Variants in BBX observed in about 807,000 individuals in gnomAD.
BBX encodes HMG box transcription factor BBX.
BBX carries 30 observed loss-of-function variants against 100.2 expected under a neutral mutation model. The observed-to-expected ratio is 0.30, with a 90% confidence interval of 0.22 to 0.41. The LOEUF (loss-of-function observed/expected upper bound fraction) is 0.41, where lower values mean the gene tolerates loss of function less well. Ranked by LOEUF, BBX falls within the 10% of genes least tolerant of loss-of-function variation. BBX has a pLI of 1.00. For synonymous variants in BBX, 376 were observed against 388.1 expected (o/e 0.97, Z 0.37); for missense variants, 1,023 against 1,129.8 (o/e 0.91, Z 1.35).
chr3:107,692,927 T>G (rs2060284057), intron 3 of BBX, among the ~76,000 whole-genome samples: 1 of 150,766 alleles, frequency 6.6e-6, no homozygotes, highest in South Asian at 2.1e-4. Flanking sequence ...GTGGTTTTGA[T>G]TTGCATTTCT....
intron 9 of BBX, 78 bp from the exon 10 acceptor site, chr3:107,755,520 T>C (rs916079680): frequency 7.8e-7 from 1 of 1,285,696 alleles, no homozygotes; most frequent in African/African-American, 1.5e-5. Flanking sequence ...TAAGAAAAAT[T>C]CCTGAATGTA....
chr3:107,750,725 A>C (rs1346436606), intron 9 of BBX, among the ~76,000 whole-genome samples: 3 of 152,222 alleles, frequency 2.0e-5, no homozygotes, highest in Non-Finnish European at 4.4e-5. Flanking sequence ...AACTAGATGA[A>C]CTAAGAAAAA....
intron 7 of BBX, among the ~76,000 whole-genome samples, chr3:107,740,327 T>TA (rs2063984203): frequency 6.6e-6 from 1 of 151,946 alleles, no homozygotes. Context: ...AGCTTTAACT[T>TA]ACCTTGGAAA....
chr3:107,671,124 C>T (rs868087986), intron 3 of BBX, among the ~76,000 whole-genome samples: 10 of 150,592 alleles, frequency 6.6e-5, no homozygotes, highest in Admixed American at 6.6e-4. Context: ...GTACAACCTG[C>T]GCTTCCTTCA....
At chr3:107,572,214 C>T (rs144423209) in intron 2 of BBX, among the ~76,000 whole-genome samples, 12 of 152,290 alleles carry the variant, frequency 7.9e-5, no homozygotes, top group Admixed American at 5.2e-4. Context: ...ATCGGACACT[C>T]ATTGTCTCTT....
At chr3:107,704,822 T>A (rs1215201478) in intron 3 of BBX, among the ~76,000 whole-genome samples, 2 of 152,174 alleles carry the variant, frequency 1.3e-5, no homozygotes, top group Non-Finnish European at 2.9e-5. Context: ...TGATAAGTGC[T>A]TGACCTAACA....
At chr3:107,799,631 C>T (rs2070198410) in intron 16 of BBX, among the ~76,000 whole-genome samples, 1 of 151,962 alleles carries the variant, frequency 6.6e-6, no homozygotes, top group African/African-American at 2.4e-5. Context: ...GGCATTCAAA[C>T]CAGTAGATTA....
chr3:107,527,516 G>A (rs1229096871), intron 2 of BBX, among the ~76,000 whole-genome samples: 1 of 152,060 alleles, frequency 6.6e-6, no homozygotes, highest in East Asian at 1.9e-4. Context: ...GACCTTTCTG[G>A]TAGTGTCCAT....
At chr3:107,539,419 A>C (rs1360528226) in intron 2 of BBX, among the ~76,000 whole-genome samples, 1 of 152,098 alleles carries the variant, frequency 6.6e-6, no homozygotes, top group Non-Finnish European at 1.5e-5. Flanking sequence ...ATTGGGATGG[A>C]ATTGAACTTC....
intron 2 of BBX, among the ~76,000 whole-genome samples, chr3:107,556,747 G>T (rs1223738445): frequency 1.3e-5 from 2 of 152,152 alleles, no homozygotes; most frequent in Non-Finnish European, 2.9e-5. Flanking sequence ...AGCATTTTTG[G>T]ATAGATTCTG....
chr3:107,791,279 A>G lies in BBX; in HGVS notation c.2333A>G (p.Asp778Gly). 5 of 1,613,442 alleles carry G rather than the reference A, an allele frequency of 3.1e-6. No individual in the cohort carries two copies. The highest frequency in any genetic ancestry group is 4.2e-6 in the Non-Finnish European group (5 of 1,179,542). The change falls in exon 15 of 18, where the codon GAT becomes GGT. Residue 778 changes from aspartate to glycine, a missense_variant. Physicochemically the swap from Asp to Gly is moderately conservative, Grantham distance 94. This residue lies in a region of BBX where 215 missense variants were observed against 211.3 expected (regional missense o/e 1.02). Coordinates refer to ENST00000325805, the MANE Select transcript of BBX (RefSeq NM_001142568.3). The part of the protein sequence containing the change: ...DKWSNKQLFL[D>G]AIHPTEAIFS... Reference sequence around the variant, plus strand: ...TGGTCAAACAAGCAACTCTTCTTGGATGCCATTCACCCTACAGAAGGTAAG... The same window carrying G: ...TGGTCAAACAAGCAACTCTTCTTGGGTGCCATTCACCCTACAGAAGGTAAG...
Position 107,773,127 on chromosome 3 carries a change from C to A in BBX, c.1406C>A (p.Pro469His), listed in dbSNP as rs147832032. 3 of 1,613,888 alleles carry A rather than the reference C, an allele frequency of 1.9e-6. No individual in the cohort carries two copies. In the Admixed American group the frequency reaches 5.0e-5, roughly 27 times the overall value. ...CGACATGGAAATGATAAATCCACACCCAAGAAGACTTGCAAAAAGAGGCAG... is the reference window on the plus strand; with the variant it reads ...CGACATGGAAATGATAAATCCACACACAAGAAGACTTGCAAAAAGAGGCAG... ...MDRHGNDKST[P>H]KKTCKKRQSS... The change falls in exon 11 of 18, where the codon CCC becomes CAC. Residue 469 changes from proline to histidine, a missense_variant. Pro to His is a moderately conservative substitution (Grantham distance 77, BLOSUM62 -2). Coordinates refer to ENST00000325805, the MANE Select transcript of BBX (RefSeq NM_001142568.3). The surrounding 1 kb of genome is among the most constrained non-coding windows in gnomAD (Gnocchi z 4.1).
intron 14 of BBX, among the ~76,000 whole-genome samples, chr3:107,790,841 G>T (rs1576827687): frequency 6.6e-6 from 1 of 152,126 alleles, no homozygotes; most frequent in South Asian, 2.1e-4. Context: ...CTTACTTTGG[G>T]CCTTCTTTTC....
At chr3:107,793,216 G>C (rs140781247) in intron 15 of BBX, among the ~76,000 whole-genome samples, 5 of 152,214 alleles carry the variant, frequency 3.3e-5, no homozygotes, top group African/African-American at 1.2e-4. Flanking sequence ...ATATTCTGTA[G>C]CCCTAATTTT....
At chr3:107,658,653 G>A (rs758347446) in intron 3 of BBX, among the ~76,000 whole-genome samples, 5 of 152,000 alleles carry the variant, frequency 3.3e-5, no homozygotes, top group Non-Finnish European at 5.9e-5. Context: ...ACTTGCCCTA[G>A]GTAGTAATGA....
At chr3:107,754,188 T>A (rs2065292500) in intron 9 of BBX, among the ~76,000 whole-genome samples, 2 of 152,220 alleles carry the variant, frequency 1.3e-5, no homozygotes, top group Admixed American at 1.3e-4. Flanking sequence ...AGAGCGTTGA[T>A]TCAAGGCACT....
intron 9 of BBX, among the ~76,000 whole-genome samples, chr3:107,752,431 T>C (rs2065144827): frequency 6.6e-6 from 1 of 152,204 alleles, no homozygotes; most frequent in Non-Finnish European, 1.5e-5. Flanking sequence ...AAGAAGGCCT[T>C]ATTTGTTCTT....
intron 10 of BBX, among the ~76,000 whole-genome samples, chr3:107,763,380 A>G (rs938772177): frequency 1.3e-5 from 2 of 151,958 alleles, no homozygotes; most frequent in Non-Finnish European, 1.5e-5. Context: ...CTAATTTGTT[A>G]TTTTTCCACT....
chr3:107,660,108 A>C (rs1337604927), intron 3 of BBX, among the ~76,000 whole-genome samples: 3 of 152,126 alleles, frequency 2.0e-5, no homozygotes, highest in Non-Finnish European at 4.4e-5. Flanking sequence ...TTGCTCTTTT[A>C]TAATTAGTAG....
Sources: allele counts gnomAD v4.1 joint callset (sites outside exome capture counted in the v4.1 genomes callset), GRCh38; gene constraint gnomAD v4.1.1; regional missense constraint gnomAD v4.1.1; non-coding constraint Gnocchi (gnomAD v3.1); transcripts MANE v1.5; gene names NCBI Gene and HGNC (gene_info 2026-07-23, HGNC 2026-07-21).